The following PBRM1 variants were observed in gnomAD, a reference collection of about 807,000 sequenced individuals.
PBRM1 encodes the protein polybromo 1.
PBRM1 carries 27 observed loss-of-function variants against 194.5 expected under a neutral mutation model. That is an observed-to-expected ratio of 0.14 (90% CI 0.10 to 0.19). PBRM1 has a LOEUF of 0.19. Among genes scored for constraint, PBRM1 ranks in the 10% least tolerant of loss-of-function variants. The probability of loss-of-function intolerance (pLI) is 1.00; values close to 1 mark genes in which losing one functional copy is unlikely to be tolerated. For missense variants in PBRM1, 1,466 were observed against 2,077.2 expected (o/e 0.71, Z 5.72); for synonymous variants, 655 against 693.2 (o/e 0.94, Z 0.87).
At chr3:52,617,083 C>T (rs928980197) in intron 14 of PBRM1, among the ~76,000 whole-genome samples, 179 bp downstream of exon 16, 1 of 151,994 alleles carries the variant, frequency 6.6e-6, no homozygotes, top group African/African-American at 2.4e-5. Context: ...AAAGTAGGAA[C>T]GTTTATCTTT....
At chr3:52,587,246 T>G in intron 19 of PBRM1, 107 bp downstream of exon 21, 1 of 867,544 alleles carries the variant, frequency 1.2e-6, no homozygotes, top group East Asian at 2.5e-5. Context: ...GCTTAAAAAA[T>G]AGCTTAAAAC....
At chr3:52,648,993 C>T (rs958592156) in intron 6 of PBRM1, among the ~76,000 whole-genome samples, 2 of 152,040 alleles carry the variant, frequency 1.3e-5, no homozygotes, top group Non-Finnish European at 1.5e-5. Context: ...AAATGAAAGA[C>T]GGACACACTT....
intron 14 of PBRM1, 139 bp from the exon 17 acceptor site, chr3:52,615,595 G>A: frequency 3.3e-6 from 2 of 599,948 alleles, no homozygotes; most frequent in Admixed American, 5.7e-5. Context: ...TCACTACAGA[G>A]CAATAAAATC....
At chr3:52,548,830 C>T (rs1332636418) in intron 29 of PBRM1, among the ~76,000 whole-genome samples, 1 of 152,122 alleles carries the variant, frequency 6.6e-6, no homozygotes, top group Non-Finnish European at 1.5e-5. Context: ...AATATACCTT[C>T]TACTCTAAAG....
At chr3:52,591,087 T>C (rs2092984772) in intron 17 of PBRM1, among the ~76,000 whole-genome samples, 1 of 152,224 alleles carries the variant, frequency 6.6e-6, no homozygotes, top group South Asian at 2.1e-4. Flanking sequence ...ATAAGAATGA[T>C]AGTGATTTTT....
At chr3:52,671,528 G>A (rs1266357898) in intron 2 of PBRM1, among the ~76,000 whole-genome samples, 2 of 152,226 alleles carry the variant, frequency 1.3e-5, no homozygotes, top group Non-Finnish European at 2.9e-5. Flanking sequence ...AACGACTTTA[G>A]TCTGAACACC....
In PBRM1 at chr3:52,649,176, T is replaced by A. The variant is rs538260213; in HGVS notation, c.715-734A>T. ...GAATCCAGAGAGCCAGGCAAAGGAG[T>A]GTAGCTATTTGCCTCGTGGGACTAC... On this transcript the variant is annotated intron_variant, in intron 6 of 29. Transcript: ENST00000296302. Among the ~76,000 whole-genome samples the A allele has an allele frequency of 7.2e-5, 11 of 151,742 alleles. No individual in the cohort carries two copies. In the South Asian group the frequency reaches 2.3e-3, roughly 32 times the overall value.
exon 29 of PBRM1, chr3:52,550,509 C>T (rs1252409889): frequency 1.9e-6 from 3 of 1,583,738 alleles, no homozygotes; most frequent in Non-Finnish European, 2.6e-6. Context: ...AGTGAAGAAG[C>T]CGCTGGGTCT....
At chr3:52,589,764 T>C (rs559722526) in intron 17 of PBRM1, among the ~76,000 whole-genome samples, 1 of 152,292 alleles carries the variant, frequency 6.6e-6, no homozygotes, top group South Asian at 2.1e-4. Flanking sequence ...ATCTAGTATA[T>C]ATACTTAATA....
intron 17 of PBRM1, among the ~76,000 whole-genome samples, chr3:52,590,114 C>T (rs1053232352): frequency 1.3e-5 from 2 of 151,924 alleles, no homozygotes; most frequent in African/African-American, 4.8e-5. Context: ...CGTGAGCCAC[C>T]GCGCCCAGAT....
In PBRM1 at chr3:52,609,152, C is replaced by T; in HGVS notation, c.2567+161G>A. ...TGCCTTCTCTCCCCCACAGAATATACTCACTCTTAAGAAGTTCTGGCTGAT... is the reference window on the plus strand; with the variant it reads ...TGCCTTCTCTCCCCCACAGAATATATTCACTCTTAAGAAGTTCTGGCTGAT... On this transcript the variant is annotated intron_variant, in intron 16 of 29. Transcript: ENST00000296302. This position sits in a 1 kb window ranked among gnomAD's most constrained non-coding sequence, Gnocchi z 4.1. The T allele has an allele frequency of 3.2e-6, 2 of 615,932 alleles. No individual in the cohort carries two copies. The highest frequency in any genetic ancestry group is 2.8e-6 in the Non-Finnish European group (1 of 356,112). 38.2% of individuals were successfully genotyped at this position (615,932 alleles called of 1,614,324 possible).
At chr3:52,621,882 C>T (rs775608118) in intron 13 of PBRM1, among the ~76,000 whole-genome samples, 1 of 152,002 alleles carries the variant, frequency 6.6e-6, no homozygotes, top group Non-Finnish European at 1.5e-5. Context: ...TGAGACACCA[C>T]CTCTTTAAAA....
chr3:52,545,919 G>T (rs1255415224), downstream of PBRM1: 1 of 232,604 alleles, frequency 4.3e-6, no homozygotes, highest in East Asian at 6.1e-5. Context: ...TATCCCCCAA[G>T]TTAATATACA....
chr3:52,653,755 C>A (rs970268429), intron 5 of PBRM1, among the ~76,000 whole-genome samples: 4 of 150,956 alleles, frequency 2.6e-5, no homozygotes, highest in Non-Finnish European at 4.4e-5. Flanking sequence ...ACTAAAAATA[C>A]AAAAATTAGC....
Position 52,661,271 on chromosome 3 carries a change from C to T in PBRM1, c.528+862G>A, listed in dbSNP as rs577343040. Among the ~76,000 whole-genome samples, 8 of 151,590 alleles carry T rather than the reference C, an allele frequency of 5.3e-5. No individual in the cohort carries two copies. In the East Asian group the frequency reaches 5.9e-4, roughly 11 times the overall value. ...AACTCCTAACCTCAAGTGATCCTCC[C>T]GCCTTGGCCTCCCAAAGTGCTGGGA... is the stretch of plus-strand genomic sequence containing the variant. On this transcript the variant is annotated intron_variant, in intron 4 of 29. Coordinates refer to ENST00000296302, the Ensembl canonical transcript of PBRM1.
At chr3:52,602,505 G>A (rs369730032) in intron 17 of PBRM1, among the ~76,000 whole-genome samples, 24 of 152,358 alleles carry the variant, frequency 1.6e-4, no homozygotes, top group African/African-American at 5.8e-4. Context: ...AGGTTTTCCA[G>A]CTGGCTGGGA....
chr3:52,646,351 T>C (rs1028311462), intron 7 of PBRM1, among the ~76,000 whole-genome samples: 1 of 152,224 alleles, frequency 6.6e-6, no homozygotes, highest in Non-Finnish European at 1.5e-5. Context: ...ATTCAATAAA[T>C]TTCTACAAGC....
chr3:52,583,816 A>C (rs942235468), intron 20 of PBRM1, among the ~76,000 whole-genome samples: 14 of 152,146 alleles, frequency 9.2e-5, no homozygotes, highest in African/African-American at 3.4e-4. Context: ...TAAAATTCTA[A>C]AAATCTTCTG....
chr3:52,640,830 G>C (rs1057101630), intron 10 of PBRM1, among the ~76,000 whole-genome samples: 1 of 150,240 alleles, frequency 6.7e-6, no homozygotes, highest in Admixed American at 6.6e-5. Flanking sequence ...GTAGAGACAC[G>C]GTTTCACCAT....
Sources: gnomAD v4.1 joint callset for allele counts (sites outside exome capture counted in the v4.1 genomes callset) on GRCh38, gnomAD v4.1.1 for gene constraint, Gnocchi (gnomAD v3.1) non-coding constraint, MANE v1.5 for transcripts, NCBI Gene and HGNC (gene_info 2026-07-23, HGNC 2026-07-21) for gene names.